The following ZFAND3 variants were observed in gnomAD, a reference collection of about 807,000 sequenced individuals.
ZFAND3 encodes AN1-type zinc finger protein 3.
ZFAND3 carries 10 observed loss-of-function variants against 29.6 expected under a neutral mutation model. That is an observed-to-expected ratio of 0.34 (90% CI 0.21 to 0.57). The LOEUF (loss-of-function observed/expected upper bound fraction) is 0.57. Ranked by LOEUF, ZFAND3 falls within the 20% of genes least tolerant of loss-of-function variation. The pLI is 0.86. For missense variants in ZFAND3, 230 were observed against 304.5 expected (o/e 0.76, Z 1.82); for synonymous variants, 128 against 112.6 (o/e 1.14, Z -0.87).
chr6:38,099,577 C>A (rs899247082), intron 4 of ZFAND3, among the ~76,000 whole-genome samples: 4 of 152,144 alleles, frequency 2.6e-5, no homozygotes, highest in African/African-American at 9.7e-5. Flanking sequence ...TAGTTACATG[C>A]TATGCATTTC....
intron 1 of ZFAND3, among the ~76,000 whole-genome samples, chr6:37,854,840 A>G (rs997453850): frequency 6.8e-6 from 1 of 147,552 alleles, no homozygotes; most frequent in African/African-American, 2.5e-5. Context: ...TTCATGCTTA[A>G]CAGAAGCTCT....
chr6:37,927,093 G>T (rs770794701), intron 1 of ZFAND3, among the ~76,000 whole-genome samples: 18 of 152,280 alleles, frequency 1.2e-4, no homozygotes, highest in Non-Finnish European at 2.6e-4. Flanking sequence ...CAACCATGTT[G>T]CTGAAAAATT....
chr6:37,937,511 T>C (rs1229654876), intron 2 of ZFAND3, among the ~76,000 whole-genome samples: 1 of 151,902 alleles, frequency 6.6e-6, no homozygotes, highest in African/African-American at 2.4e-5. Flanking sequence ...AAAAATTAGC[T>C]GGGCCTGGTG....
At chr6:37,912,436 A>T (rs1313602660) in intron 1 of ZFAND3, among the ~76,000 whole-genome samples, 1 of 152,216 alleles carries the variant, frequency 6.6e-6, no homozygotes, top group East Asian at 1.9e-4. Context: ...AGGGCAAGAT[A>T]ATTTTCTTAA....
intron 2 of ZFAND3, among the ~76,000 whole-genome samples, chr6:37,987,953 T>C (rs1200426163): frequency 6.6e-6 from 1 of 152,260 alleles, no homozygotes; most frequent in Non-Finnish European, 1.5e-5. Context: ...GAATAAATTC[T>C]GAGTTTCTCA....
intron 2 of ZFAND3, among the ~76,000 whole-genome samples, chr6:38,002,285 CTT>C (rs559479814): frequency 8.7e-5 from 12 of 137,872 alleles, no homozygotes; most frequent in Admixed American, 1.4e-4. Context: ...ATTTTCTTTT[CTT>C]TTTTTTTTTT....
chr6:37,856,950 C>CT (rs60050000), intron 1 of ZFAND3, among the ~76,000 whole-genome samples: 276 of 147,976 alleles, frequency 1.9e-3, no homozygotes, highest in East Asian at 5.9e-3. Flanking sequence ...AACTCTTGAC[C>CT]TTTTTTTTTT....
chr6:38,014,054 A>C (rs1033170742), intron 2 of ZFAND3, among the ~76,000 whole-genome samples: 5 of 152,206 alleles, frequency 3.3e-5, no homozygotes, highest in African/African-American at 1.2e-4. Flanking sequence ...TATTTGTCCA[A>C]CTTACTCTCA....
At chr6:38,020,300 A>C (rs1763325203) in intron 2 of ZFAND3, among the ~76,000 whole-genome samples, 1 of 152,246 alleles carries the variant, frequency 6.6e-6, no homozygotes, top group Non-Finnish European at 1.5e-5. Context: ...AACACACATT[A>C]GTTTTCTTCC....
chr6:37,841,154 TA>T (rs1764065535), intron 1 of ZFAND3, among the ~76,000 whole-genome samples: 1 of 152,168 alleles, frequency 6.6e-6, no homozygotes, highest in African/African-American at 2.4e-5. Context: ...TGAAAGAGGG[TA>T]ATGAATGAAA....
chr6:37,937,335 A>AT (rs1432180261), intron 2 of ZFAND3, among the ~76,000 whole-genome samples: 1 of 152,182 alleles, frequency 6.6e-6, no homozygotes, highest in African/African-American at 2.4e-5. Context: ...TCATACCTTG[A>AT]TTTTTTGAAT....
At chr6:37,848,338 G>A (rs142982889) in intron 1 of ZFAND3, among the ~76,000 whole-genome samples, 135 of 152,360 alleles carry the variant, frequency 8.9e-4, no homozygotes, top group African/African-American at 2.9e-3. Context: ...GTTCCAAACT[G>A]GACAGATTGA....
At chr6:37,978,907 T>G (rs1762533979) in intron 2 of ZFAND3, among the ~76,000 whole-genome samples, 2 of 151,932 alleles carry the variant, frequency 1.3e-5, no homozygotes, top group South Asian at 4.1e-4. Context: ...TTAATATGCA[T>G]AAAACTGTAG....
At chr6:38,075,614 C>T (rs1581895862) in intron 3 of ZFAND3, among the ~76,000 whole-genome samples, 1 of 152,304 alleles carries the variant, frequency 6.6e-6, no homozygotes, top group South Asian at 2.1e-4. Flanking sequence ...ATTACATAAA[C>T]TTAGTTGATA....
At chr6:37,905,070 T>C (rs1433960779) in intron 1 of ZFAND3, among the ~76,000 whole-genome samples, 6 of 152,172 alleles carry the variant, frequency 3.9e-5, no homozygotes, top group Non-Finnish European at 7.4e-5. Flanking sequence ...CAAGTATCTT[T>C]GGGTAGAATC....
At chr6:37,898,999 C>T (rs1284912592) in intron 1 of ZFAND3, among the ~76,000 whole-genome samples, 1 of 152,148 alleles carries the variant, frequency 6.6e-6, no homozygotes, top group South Asian at 2.1e-4. Flanking sequence ...GGGTTCACGC[C>T]ATTCTCCTAC....
intron 5 of ZFAND3, among the ~76,000 whole-genome samples, chr6:38,135,780 C>T (rs987696433): frequency 1.3e-5 from 2 of 151,930 alleles, no homozygotes; most frequent in African/African-American, 4.8e-5. Context: ...AACACGTTTC[C>T]GGTGAGCTGT....
rs372046883 is a variant in ZFAND3 at position 37,828,961 on chromosome 6, A to T, written c.71+8945A>T. Among the ~76,000 whole-genome samples the T allele has an allele frequency of 5.9e-5, 9 of 152,124 alleles. No homozygotes were observed. In the East Asian group the frequency reaches 1.5e-3, roughly 26 times the overall value. On this transcript the variant is annotated intron_variant, in intron 1 of 5. Transcript: ENST00000287218. ...CACTATGCCCGGCCTGGATGGTATT[A>T]TTCTTTTTCTTCAGTTGCTGCTGAA...
chr6:38,054,386 C>T (rs1298564892), intron 2 of ZFAND3, among the ~76,000 whole-genome samples: 1 of 140,530 alleles, frequency 7.1e-6, no homozygotes, highest in African/African-American at 2.5e-5. Context: ...AGAGCGAGAC[C>T]CTGTCTCAAA....
Sources: allele counts gnomAD v4.1 joint callset (sites outside exome capture counted in the v4.1 genomes callset), GRCh38; gene constraint gnomAD v4.1.1; transcripts MANE v1.5; gene names NCBI Gene and HGNC (gene_info 2026-07-23, HGNC 2026-07-21).